ITPK1: variants seen among roughly 807,000 people sequenced by gnomAD.
ITPK1 encodes the protein inositol 1,3,4-trisphosphate 5/6-kinase.
ITPK1 carries 21 observed loss-of-function variants against 45.3 expected under a neutral mutation model. That is an observed-to-expected ratio of 0.46 (90% CI 0.33 to 0.67). The LOEUF is 0.67. Ranked by LOEUF, ITPK1 falls within the 30% of genes least tolerant of loss-of-function variation. The pLI is 0.02. For synonymous variants in ITPK1, 258 were observed against 253.6 expected, an observed-to-expected ratio of 1.02 and a Z score of -0.16; for missense variants, 474 against 573.5, an observed-to-expected ratio of 0.83 and a Z score of 1.77.
intron 4 of ITPK1, among the ~76,000 whole-genome samples, chr14:92,998,491 A>T (rs1887173426): frequency 6.6e-6 from 1 of 152,238 alleles, no homozygotes; most frequent in East Asian, 1.9e-4. Context: ...AAGGACTCAC[A>T]GATTAAATAG....
intron 3 of ITPK1, among the ~76,000 whole-genome samples, chr14:93,017,253 T>C (rs1212468138): frequency 6.6e-6 from 1 of 152,190 alleles, no homozygotes; most frequent in Admixed American, 6.5e-5. Flanking sequence ...AGAACTTAGA[T>C]CTAAGTGGAT....
At chr14:93,107,883 A>G (rs1469428576) in intron 2 of ITPK1, among the ~76,000 whole-genome samples, 2 of 152,238 alleles carry the variant, frequency 1.3e-5, no homozygotes, top group Non-Finnish European at 2.9e-5. Flanking sequence ...GGCTCAGAGC[A>G]GCAAGACGAA....
chr14:93,045,120 G>C (rs1889722611), intron 3 of ITPK1, among the ~76,000 whole-genome samples: 1 of 152,238 alleles, frequency 6.6e-6, no homozygotes, highest in African/African-American at 2.4e-5. Flanking sequence ...CAAGTCACCA[G>C]GCACTGGTTC....
At chr14:93,080,050 A>C (rs1891377901) in intron 2 of ITPK1, among the ~76,000 whole-genome samples, 1 of 152,234 alleles carries the variant, frequency 6.6e-6, no homozygotes, top group Non-Finnish European at 1.5e-5. Flanking sequence ...CAGTCAAAGG[A>C]ATAGTATGCA....
intron 3 of ITPK1, among the ~76,000 whole-genome samples, chr14:93,031,513 A>G (rs1240105881): frequency 6.6e-6 from 1 of 152,190 alleles, no homozygotes; most frequent in African/African-American, 2.4e-5. Context: ...TTCAGAAACC[A>G]TGATGCTTCG....
rs965160800 is a variant in ITPK1, at chr14:93,016,169, A to C, written c.246+507T>G. On this transcript the variant is annotated intron_variant, in intron 4 of 10. Transcript: ENST00000267615. The surrounding 1 kb of genome is among the most constrained non-coding windows in gnomAD (Gnocchi z 5.0). The stretch of plus-strand genomic sequence containing the variant: ...GCCGCTGGGGAAGTGGTGTGGGGAG[A>C]GGGAAGCAGCCAAGGGACTCAGCAA... Among the ~76,000 whole-genome samples, 1 of 152,062 alleles carries C rather than the reference A, an allele frequency of 6.6e-6. No homozygotes were observed. Among genetic ancestry groups the C allele is most frequent in the African/African-American group, 2.4e-5 (1 of 41,386 alleles).
At chr14:93,099,039 G>A (rs1566785448) in intron 2 of ITPK1, among the ~76,000 whole-genome samples, 1 of 152,100 alleles carries the variant, frequency 6.6e-6, no homozygotes, top group East Asian at 1.9e-4. Flanking sequence ...TCGGAACTGG[G>A]GCCCTGATAT....
At chr14:93,066,193 C>T (rs1339980852) in intron 3 of ITPK1, 4 of 454,054 alleles carry the variant, frequency 8.8e-6, no homozygotes, top group Non-Finnish European at 1.8e-5. Flanking sequence ...ACCCAGTAGA[C>T]ACAGCGCACA....
chr14:92,993,854 G>A lies in ITPK1; in HGVS notation c.364+26C>T, dbSNP rs202116339. 188 of 1,455,688 alleles carry A rather than the reference G, an allele frequency of 1.3e-4. 1 individual carries two copies. The South Asian group carries it at 2.0e-3, about 15-fold the overall frequency. 90.2% of individuals were successfully genotyped at this position (1,455,688 alleles called of 1,614,324 possible). A position where few individuals can be genotyped will look rare whatever the true frequency, so the allele number is the denominator to read the frequency against. On this transcript the variant is annotated intron_variant, in intron 5 of 10. Transcript: ENST00000267615. ...GACCACAAAGGTGGCTGCCTGCCAC[G>A]GATGTGGTGCCACACGTGTCCCTAC...
chr14:93,088,331 G>T (rs1194230532), intron 2 of ITPK1, among the ~76,000 whole-genome samples: 5 of 130,620 alleles, frequency 3.8e-5, no homozygotes, highest in African/African-American at 1.5e-4. Context: ...TTCTTTTTTG[G>T]TTTTGTTTTG....
chr14:93,064,742 A>C (rs1253710673), intron 3 of ITPK1, among the ~76,000 whole-genome samples: 1 of 152,246 alleles, frequency 6.6e-6, no homozygotes, highest in Admixed American at 6.5e-5. Context: ...ACTAGACACC[A>C]GGGCAATCAG....
At chr14:93,029,774 A>T (rs905778813) in intron 3 of ITPK1, among the ~76,000 whole-genome samples, 14 of 152,206 alleles carry the variant, frequency 9.2e-5, no homozygotes, top group African/African-American at 3.4e-4. Context: ...CTTCCTCTAC[A>T]GCCAAGCATA....
At chr14:92,942,922 A>G (rs543679952) in intron 10 of ITPK1, among the ~76,000 whole-genome samples, 7 of 152,340 alleles carry the variant, frequency 4.6e-5, no homozygotes, top group African/African-American at 1.7e-4. Context: ...CATCAGCCCC[A>G]CCAGGGTGGG....
chr14:93,092,087 G>C (rs1206238804), intron 2 of ITPK1, among the ~76,000 whole-genome samples: 1 of 152,172 alleles, frequency 6.6e-6, no homozygotes, highest in Non-Finnish European at 1.5e-5. Flanking sequence ...CCTTTTATAA[G>C]CAAGGCCCAG....
intron 2 of ITPK1, among the ~76,000 whole-genome samples, chr14:93,077,317 G>A (rs367646057): frequency 6.6e-6 from 1 of 152,102 alleles, no homozygotes; most frequent in South Asian, 2.1e-4. Flanking sequence ...TTCTCTTCCT[G>A]ACCCATTTCT....
chr14:93,073,908 G>C (rs2139978402), intron 3 of ITPK1, among the ~76,000 whole-genome samples: 1 of 152,272 alleles, frequency 6.6e-6, no homozygotes, highest in Middle Eastern at 3.4e-3. Context: ...TCAGGGACCA[G>C]ACACAGGAAA....
chr14:93,096,565 G>A (rs982600175), intron 2 of ITPK1, among the ~76,000 whole-genome samples: 2 of 152,152 alleles, frequency 1.3e-5, no homozygotes, highest in African/African-American at 2.4e-5. Flanking sequence ...AAACACACAC[G>A]AAGAACAACA....
intron 2 of ITPK1, among the ~76,000 whole-genome samples, chr14:93,097,170 T>A (rs1892112153): frequency 6.6e-6 from 1 of 152,152 alleles, no homozygotes. Flanking sequence ...GATCACACAC[T>A]CTGTGTGCAG....
intron 3 of ITPK1, chr14:93,066,504 G>A (rs538779278): frequency 5.0e-5 from 16 of 319,134 alleles, no homozygotes; most frequent in South Asian, 2.1e-4. Flanking sequence ...TCCCGCGTTC[G>A]CGCCATTCTC....
Sources: allele counts gnomAD v4.1 joint callset (sites outside exome capture counted in the v4.1 genomes callset), GRCh38; gene constraint gnomAD v4.1.1; non-coding constraint Gnocchi (gnomAD v3.1); transcripts MANE v1.5; gene names NCBI Gene and HGNC (gene_info 2026-07-23, HGNC 2026-07-21).